The following WWOX variants were observed in gnomAD, a reference collection of about 807,000 sequenced individuals.
WWOX encodes the protein WW domain-containing oxidoreductase.
A neutral mutation model predicts 46.2 loss-of-function variants in WWOX; 69 were observed. The observed-to-expected ratio is 1.49, with a 90% CI of 1.23 to 1.82. WWOX has a LOEUF of 1.82. WWOX is among the 40% of genes most tolerant of loss of function. The pLI is 0.00. For synonymous variants in WWOX, 359 were observed against 202.6 expected, an observed-to-expected ratio of 1.77 and a Z score of -6.56; for missense variants, 919 against 542.6, an observed-to-expected ratio of 1.69 and a Z score of -6.89.
At chr16:78,948,356 A>G (rs188035445) in intron 8 of WWOX, among the ~76,000 whole-genome samples, 1 of 152,032 alleles carries the variant, frequency 6.6e-6, no homozygotes, top group African/African-American at 2.4e-5. Context: ...CGTCTTCCTG[A>G]TGTTGCATAG....
intron 8 of WWOX, among the ~76,000 whole-genome samples, chr16:79,030,127 A>C (rs1030268791): frequency 6.6e-6 from 1 of 152,220 alleles, no homozygotes; most frequent in African/African-American, 2.4e-5. Flanking sequence ...CTTATTGTTC[A>C]CCAGAATTTT....
At position 78,137,371 on chromosome 16, in the gene WWOX, G is replaced by C. The variant is rs376034395; in HGVS notation, c.409+22217G>C. Among the ~76,000 whole-genome samples the C allele has an allele frequency of 6.6e-5, 10 of 152,236 alleles. No homozygotes were observed. The East Asian group carries it at 1.9e-3, about 29-fold the overall frequency. On this transcript the variant is annotated intron_variant, in intron 4 of 8. Coordinates refer to ENST00000566780, the MANE Select transcript of WWOX (RefSeq NM_016373.4). The stretch of plus-strand genomic sequence containing the variant: ...CTGGCACAGTATCTTTCACCCCGGA[G>C]TCTCAGTTTCCTCATCTGTAAAATG...
intron 8 of WWOX, among the ~76,000 whole-genome samples, chr16:79,103,663 A>G (rs1051188387): frequency 1.3e-5 from 2 of 152,168 alleles, no homozygotes; most frequent in Non-Finnish European, 2.9e-5. Context: ...AAAATGACCT[A>G]TCCAGTCCAT....
At chr16:79,124,284 C>T (rs1423209602) in intron 8 of WWOX, among the ~76,000 whole-genome samples, 3 of 152,088 alleles carry the variant, frequency 2.0e-5, no homozygotes, top group Non-Finnish European at 4.4e-5. Context: ...GTCTTAAAAG[C>T]ATCCGCGCTT....
chr16:78,737,722 T>A (rs2142405281), intron 8 of WWOX, among the ~76,000 whole-genome samples: 1 of 152,294 alleles, frequency 6.6e-6, no homozygotes, highest in South Asian at 2.1e-4. Context: ...TCATGGATGA[T>A]GTCCTGGTCC....
intron 8 of WWOX, among the ~76,000 whole-genome samples, chr16:78,941,744 C>G (rs775259804): frequency 5.3e-5 from 8 of 152,032 alleles, no homozygotes; most frequent in Non-Finnish European, 1.0e-4. Context: ...CAGTTAATCG[C>G]CTTACAATGA....
chr16:78,329,915 C>A (rs543924049), intron 5 of WWOX, among the ~76,000 whole-genome samples: 3 of 151,776 alleles, frequency 2.0e-5, no homozygotes, highest in Admixed American at 6.6e-5. Context: ...ACCAGCTAAT[C>A]TTTTAGTTTT....
At chr16:78,176,791 G>A (rs1382279914) in intron 5 of WWOX, among the ~76,000 whole-genome samples, 1 of 152,144 alleles carries the variant, frequency 6.6e-6, no homozygotes, top group Non-Finnish European at 1.5e-5. Context: ...ACATCAAATT[G>A]CAAGCAATAA....
At chr16:78,732,421 G>T (rs2048991298) in intron 8 of WWOX, among the ~76,000 whole-genome samples, 1 of 152,150 alleles carries the variant, frequency 6.6e-6, no homozygotes, top group South Asian at 2.1e-4. Context: ...TCAGTCATCA[G>T]ATAGGAAGCC....
At chr16:78,894,046 T>TATTATTATTATTATG (rs1269970539) in intron 8 of WWOX, among the ~76,000 whole-genome samples, 1 of 147,998 alleles carries the variant, frequency 6.8e-6, no homozygotes, top group Non-Finnish European at 1.5e-5. Context: ...TTATTATTAT[T>TATTATTATTATTATG]ATTATATTTT....
chr16:78,696,248 C>A (rs753408787), intron 8 of WWOX, among the ~76,000 whole-genome samples: 57 of 152,288 alleles, frequency 3.7e-4, no homozygotes, highest in Non-Finnish European at 6.5e-4. Flanking sequence ...TAATACCTGC[C>A]TTCCTGTCTT....
intron 8 of WWOX, among the ~76,000 whole-genome samples, chr16:78,999,732 G>A (rs2047057829): frequency 6.6e-6 from 1 of 152,190 alleles, no homozygotes. Flanking sequence ...GGAGGGGGAT[G>A]AGGGTTGGAA....
chr16:79,008,016 G>C (rs950267004), intron 8 of WWOX, among the ~76,000 whole-genome samples: 1 of 152,182 alleles, frequency 6.6e-6, no homozygotes, highest in Non-Finnish European at 1.5e-5. Context: ...TAAAAGTCCT[G>C]GTTCAGGCTG....
intron 8 of WWOX, among the ~76,000 whole-genome samples, chr16:79,183,971 G>T (rs974420945): frequency 5.9e-5 from 9 of 152,166 alleles, no homozygotes; most frequent in African/African-American, 4.8e-5. Context: ...GCTTGCCTTT[G>T]CCCTTGTCAC....
At chr16:78,924,821 G>T (rs926319159) in intron 8 of WWOX, among the ~76,000 whole-genome samples, 2 of 152,098 alleles carry the variant, frequency 1.3e-5, no homozygotes, top group Admixed American at 6.5e-5. Flanking sequence ...GTGATTGTTG[G>T]TGTCAACATA....
intron 8 of WWOX, among the ~76,000 whole-genome samples, chr16:78,847,394 A>G (rs879640446): frequency 2.0e-5 from 3 of 152,190 alleles, no homozygotes; most frequent in Admixed American, 1.3e-4. Flanking sequence ...ATATATTTAT[A>G]ACATATCAGT....
At chr16:78,684,875 T>C (rs963093666) in intron 8 of WWOX, among the ~76,000 whole-genome samples, 2 of 152,168 alleles carry the variant, frequency 1.3e-5, no homozygotes, top group Non-Finnish European at 2.9e-5. Flanking sequence ...CATCACTCCT[T>C]TTATAGTCAG....
chr16:78,784,697 T>C (rs931536211), intron 8 of WWOX, among the ~76,000 whole-genome samples: 2 of 152,190 alleles, frequency 1.3e-5, no homozygotes, highest in African/African-American at 4.8e-5. Flanking sequence ...GTTACTGTTT[T>C]AGCTGCCCCC....
At chr16:78,910,537 T>C (rs2045083118) in intron 8 of WWOX, among the ~76,000 whole-genome samples, 1 of 151,612 alleles carries the variant, frequency 6.6e-6, no homozygotes. Flanking sequence ...AAGGATGCTG[T>C]ATGAGTCTTT....
Sources: allele counts gnomAD v4.1 joint callset (sites outside exome capture counted in the v4.1 genomes callset), GRCh38; gene constraint gnomAD v4.1.1; transcripts MANE v1.5; gene names NCBI Gene and HGNC (gene_info 2026-07-23, HGNC 2026-07-21).